Variants in IRGM observed in about 807,000 individuals in gnomAD.
IRGM encodes immunity related GTPase M.
For missense variants in IRGM, 288 were observed against 219.9 expected (o/e 1.31, Z -1.96); for synonymous variants, 98 against 80.6 (o/e 1.22, Z -1.16).
exon 2 of IRGM, chr5:150,878,033 C>A: frequency 2.2e-6 from 1 of 458,986 alleles, no homozygotes; most frequent in Non-Finnish European, 4.4e-6. Flanking sequence ...CTCTTGCTTG[C>A]TGAAAGGATC....
intron 1 of IRGM, among the ~76,000 whole-genome samples, chr5:150,875,544 G>C (rs946212589): frequency 2.6e-5 from 4 of 152,260 alleles, no homozygotes; most frequent in Non-Finnish European, 5.9e-5. Flanking sequence ...GTTCACCAAC[G>C]GGCCACCTCA....
At chr5:150,853,493 G>A (rs1484293127), downstream of IRGM, among the ~76,000 whole-genome samples, 3 of 151,988 alleles carry the variant, frequency 2.0e-5, no homozygotes, top group Non-Finnish European at 4.4e-5. Context: ...ATTGAGAGAG[G>A]GGTATTGATA....
At chr5:150,898,284 C>T in intron 3 of IRGM, 1 of 1,590,714 alleles carries the variant, frequency 6.3e-7, no homozygotes, top group South Asian at 1.1e-5. Context: ...CCAGTTAGCC[C>T]TCAACAAAGG....
chr5:150,856,868 AT>A (rs1754060738), intron 1 of IRGM, among the ~76,000 whole-genome samples: 1 of 147,354 alleles, frequency 6.8e-6, no homozygotes, highest in South Asian at 2.1e-4. Flanking sequence ...TTATTTATTA[AT>A]TATTAATTAA....
intron 3 of IRGM, chr5:150,897,889 CAA>C (rs1754849996): frequency 2.8e-6 from 2 of 715,576 alleles, no homozygotes; most frequent in Admixed American, 3.2e-5. Context: ...TATATACACA[CAA>C]GAGACAGGAT....
chr5:150,866,647 G>A (rs139561615), intron 1 of IRGM, among the ~76,000 whole-genome samples: 64 of 152,310 alleles, frequency 4.2e-4, no homozygotes, highest in Admixed American at 1.8e-3. Context: ...AATATCCCAT[G>A]TACAGATATT....
chr5:150,865,712 T>C (rs1372468382), intron 1 of IRGM, among the ~76,000 whole-genome samples: 2 of 152,158 alleles, frequency 1.3e-5, no homozygotes, highest in Non-Finnish European at 2.9e-5. Flanking sequence ...TCCACATTTC[T>C]AAACTAAGGG....
intron 3 of IRGM, chr5:150,897,137 TAGAC>T (rs1393407826): frequency 8.0e-6 from 4 of 498,016 alleles, no homozygotes; most frequent in African/African-American, 5.8e-5. Context: ...ATCAGGTGAA[TAGAC>T]AGACAAGAAT....
At chr5:150,897,026 G>A (rs970251157) in intron 3 of IRGM, 3 of 1,407,088 alleles carry the variant, frequency 2.1e-6, no homozygotes, top group African/African-American at 2.9e-5. Context: ...CAATTAAGAG[G>A]GTAAAGAAGT....
intron 1 of IRGM, among the ~76,000 whole-genome samples, chr5:150,865,852 G>A: frequency 6.6e-6 from 1 of 152,182 alleles, no homozygotes; most frequent in African/African-American, 2.4e-5. Context: ...TGCCTCCTGG[G>A]TTCCAGCGAT....
intron 3 of IRGM, chr5:150,895,275 TG>T: frequency 1.8e-6 from 1 of 545,084 alleles, no homozygotes; most frequent in South Asian, 3.6e-5. Flanking sequence ...TCATCTTTGC[TG>T]GAAAAGTTAG....
At chr5:150,878,397 T>C (rs1754396837) in intron 2 of IRGM, among the ~76,000 whole-genome samples, 1 of 152,078 alleles carries the variant, frequency 6.6e-6, no homozygotes, top group African/African-American at 2.4e-5. Context: ...TTTACCACCA[T>C]TATTGTCTTC....
At chr5:150,860,725 C>T (rs1754123875) in intron 1 of IRGM, among the ~76,000 whole-genome samples, 1 of 152,158 alleles carries the variant, frequency 6.6e-6, no homozygotes, top group Admixed American at 6.5e-5. Flanking sequence ...CTGCTGCTGC[C>T]TTGGGACCTC....
intron 3 of IRGM, chr5:150,896,531 A>T (rs758747683): frequency 3.4e-5 from 55 of 1,613,580 alleles, no homozygotes; most frequent in Non-Finnish European, 4.2e-5. Flanking sequence ...GTATTACTCC[A>T]TTGTGAATCT....
chr5:150,866,754 T>C (rs1301260360), intron 1 of IRGM, among the ~76,000 whole-genome samples: 1 of 152,196 alleles, frequency 6.6e-6, no homozygotes, highest in Non-Finnish European at 1.5e-5. Flanking sequence ...AGCACATTCA[T>C]TTACCGTTTT....
intron 3 of IRGM, chr5:150,896,521 G>T: frequency 1.2e-6 from 2 of 1,613,590 alleles, no homozygotes; most frequent in South Asian, 1.1e-5. Flanking sequence ...TCATCAAAAG[G>T]TATTACTCCA....
In IRGM at chr5:150,848,288, C is replaced by T; in HGVS notation, c.165C>T (p.Asn55=). Residue 55 remains asparagine (N), a synonymous_variant, in exon 2 of 2, where the codon AAC becomes AAT. Coordinates refer to ENST00000522154, the MANE Select transcript of IRGM (RefSeq NM_001145805.2). ...GMSTFISALR[N]TGHEGKASPP... The stretch of plus-strand genomic sequence containing the variant: ...CCACCTTCATCAGTGCCCTTCGAAA[C>T]ACAGGACATGAGGGTAAGGCCTCAC... 6.4e-7 allele frequency: 1 copy of T among 1,551,842 alleles called. No homozygotes were observed. Among genetic ancestry groups the T allele is most frequent in the Non-Finnish European group, 8.7e-7 (1 of 1,146,994 alleles).
intron 3 of IRGM, among the ~76,000 whole-genome samples, chr5:150,885,694 C>T (rs1475386035): frequency 1.3e-5 from 2 of 151,902 alleles, no homozygotes; most frequent in Middle Eastern, 6.3e-3. Flanking sequence ...AAGGGATTGC[C>T]TTCCTGATTT....
At position 150,848,471 on chromosome 5, in the gene IRGM, C is replaced by A. The variant is rs1753919405; in HGVS notation, c.348C>A (p.Ile116=). 6.4e-7 allele frequency: 1 copy of A among 1,551,712 alleles called. No individual in the cohort carries two copies. Among genetic ancestry groups the A allele is most frequent in the Non-Finnish European group, 8.7e-7 (1 of 1,146,988 alleles). The change falls in exon 2 of 2, where the codon ATC becomes ATA. Residue 116 remains isoleucine, a synonymous_variant. Coordinates refer to ENST00000522154, the MANE Select transcript of IRGM (RefSeq NM_001145805.2). The part of the protein sequence containing the change: ...MEMQFNRYDF[I]MVASAQFSMN... Reference sequence around the variant, plus strand: ...TGCAGTTCAACCGGTATGACTTCATCATGGTTGCATCTGCACAATTCAGCA... The same window carrying A: ...TGCAGTTCAACCGGTATGACTTCATAATGGTTGCATCTGCACAATTCAGCA...
Sources: allele counts gnomAD v4.1 joint callset (sites outside exome capture counted in the v4.1 genomes callset), GRCh38; gene constraint gnomAD v4.1.1; transcripts MANE v1.5; gene names NCBI Gene and HGNC (gene_info 2026-07-23, HGNC 2026-07-21).